Variants in PSMD11 observed in about 807,000 individuals in gnomAD.
PSMD11 encodes 26S proteasome non-ATPase regulatory subunit 11.
A neutral mutation model predicts 62.3 loss-of-function variants in PSMD11; 5 were observed. The observed-to-expected ratio is 0.08, with a 90% CI of 0.04 to 0.17. The LOEUF is 0.17. Ranked by LOEUF, PSMD11 falls within the 10% of genes least tolerant of loss-of-function variation. PSMD11 has a pLI of 1.00. For missense variants in PSMD11, 310 were observed against 512.9 expected (o/e 0.60, Z 3.82); for synonymous variants, 191 against 191.8 (o/e 1.00, Z 0.03).
At chr17:32,461,298 C>T (rs929757007) in intron 3 of PSMD11, among the ~76,000 whole-genome samples, 7 of 152,118 alleles carry the variant, frequency 4.6e-5, no homozygotes, top group African/African-American at 7.2e-5. Flanking sequence ...AGACTGGTCT[C>T]GAACCCCTGA....
In PSMD11 at chr17:32,464,072, C is replaced by T. The variant is rs140675261; in HGVS notation, c.342C>T (p.Ile114=). The stretch of plus-strand genomic sequence containing the variant: ...AGGTCGAGCTGTGTTTAGAGTGCAT[C>T]GAATGGGCCAAGTCAGAGAAAAGAA... ...GQEVELCLEC[I]EWAKSEKRTF... The change falls in exon 4 of 14, where the codon ATC becomes ATT. Residue 114 remains isoleucine (I), a synonymous_variant. Transcript: ENST00000261712. 8.5e-5 allele frequency: 138 copies of T among 1,614,060 alleles called. No individual in the cohort carries two copies. The African/African-American group carries it at 1.3e-3, about 15-fold the overall frequency.
In PSMD11 at chr17:32,483,036, T is replaced by C. The variant is rs1204006195; in HGVS notation, c.*2284T>C. ...CAAACTTAGGGCAGTCCTGAGATGC[T>C]CAGGCAGTAGCCCTTTTCTCAGTTC... On this transcript the variant is annotated 3_prime_UTR_variant, in exon 14 of 14. Coordinates refer to ENST00000261712, the MANE Select transcript of PSMD11 (RefSeq NM_002815.4). 1 of 152,230 alleles carries C rather than the reference T, an allele frequency of 6.6e-6. No homozygotes were observed. Among genetic ancestry groups the C allele is most frequent in the Non-Finnish European group, 1.5e-5 (1 of 68,046 alleles). 9.4% of individuals were successfully genotyped at this position (152,230 alleles called of 1,614,324 possible). A position where few individuals can be genotyped will look rare whatever the true frequency, so the allele number is the denominator to read the frequency against.
At chr17:32,446,804 GT>G (rs376587076) in intron 1 of PSMD11, 140 bp from the exon 2 acceptor site, 33,383 of 341,024 alleles carry the variant, frequency 0.098, no homozygotes, top group East Asian at 0.16. Context: ...CTGGCTTAGA[GT>G]TTTTTTTTTT....
chr17:32,469,064 T>C lies in PSMD11; in HGVS notation c.514T>C (p.Leu172=), dbSNP rs1413119625. 1 of 1,614,070 alleles carries C rather than the reference T, an allele frequency of 6.2e-7. No individual in the cohort carries two copies. The highest frequency in any genetic ancestry group is 1.1e-5 in the South Asian group (1 of 91,080). ...DKALLVEVQL[L]ESKTYHALSN... The stretch of plus-strand genomic sequence containing the variant: ...AGCTCTTTTGGTGGAAGTACAGCTT[T>C]TAGAAAGCAAAACATACCATGCCCT... The change falls in exon 6 of 14, where the codon TTA becomes CTA. Residue 172 remains leucine (L), a synonymous_variant. Transcript: ENST00000261712.
chr17:32,463,710 C>T lies in PSMD11; in HGVS notation c.319-339C>T, dbSNP rs149859542. Among the ~76,000 whole-genome samples, 499 of 152,304 alleles carry T rather than the reference C, an allele frequency of 3.3e-3. 2 individuals are homozygous for T. Among genetic ancestry groups the T allele is most frequent in the Middle Eastern group, 0.01 (3 of 294 alleles). On this transcript the variant is annotated intron_variant, in intron 3 of 13. Transcript: ENST00000261712. Reference sequence around the variant, plus strand: ...TTACTATTTCTAACCAGGGAGAAATCTGTGCTTTAAAAATTCCTAATCTGT... The same window carrying T: ...TTACTATTTCTAACCAGGGAGAAATTTGTGCTTTAAAAATTCCTAATCTGT...
At chr17:32,448,700 T>C (rs1458940222) in intron 2 of PSMD11, among the ~76,000 whole-genome samples, 2 of 152,212 alleles carry the variant, frequency 1.3e-5, no homozygotes, top group Non-Finnish European at 2.9e-5. Flanking sequence ...AACACATACA[T>C]GGTTTAACTT....
chr17:32,480,465 G>C, intron 12 of PSMD11, 24 bp from the exon 13 acceptor site: 1 of 1,614,008 alleles, frequency 6.2e-7, no homozygotes, highest in Non-Finnish European at 8.5e-7. Context: ...TCTTTTACCT[G>C]GGTTGCCCTT....
chr17:32,468,716 G>T (rs1908069344), intron 5 of PSMD11, among the ~76,000 whole-genome samples: 1 of 152,116 alleles, frequency 6.6e-6, no homozygotes, highest in Non-Finnish European at 1.5e-5. Context: ...GCATTTTATA[G>T]GTAGAGATTC....
At chr17:32,457,986 A>G (rs1210547903) in intron 3 of PSMD11, among the ~76,000 whole-genome samples, 1 of 152,012 alleles carries the variant, frequency 6.6e-6, no homozygotes, top group Non-Finnish European at 1.5e-5. Context: ...TTTTTAGTAG[A>G]GACGGAGTTT....
At chr17:32,448,974 C>A (rs1044116096) in intron 2 of PSMD11, among the ~76,000 whole-genome samples, 1 of 152,172 alleles carries the variant, frequency 6.6e-6, no homozygotes, top group Non-Finnish European at 1.5e-5. Flanking sequence ...TCCTATTTAA[C>A]ATACATAAGG....
At chr17:32,455,581 A>T (rs903779245) in intron 3 of PSMD11, among the ~76,000 whole-genome samples, 7 of 152,236 alleles carry the variant, frequency 4.6e-5, no homozygotes, top group African/African-American at 1.4e-4. Context: ...CCTAGGACAC[A>T]TGGATCCTAC....
At chr17:32,458,298 C>T (rs1907709597) in intron 3 of PSMD11, among the ~76,000 whole-genome samples, 1 of 152,158 alleles carries the variant, frequency 6.6e-6, no homozygotes, top group Non-Finnish European at 1.5e-5. Context: ...TAATGGTTTT[C>T]TATAATACAA....
At chr17:32,480,100 C>T in intron 11 of PSMD11, 46 bp from the exon 12 acceptor site, 1 of 1,590,330 alleles carries the variant, frequency 6.3e-7, no homozygotes, top group Non-Finnish European at 8.6e-7. Flanking sequence ...AGGGTGATCT[C>T]TGACTAGTGG....
rs1175302641 is a variant in PSMD11 at position 32,444,533 on chromosome 17, G to A, written c.10G>A (p.Ala4Thr). Residue 4 changes from alanine (A) to threonine (T), a missense_variant, in exon 1 of 14, where the codon GCG becomes ACG. Around this residue, in one of 6 missense-constraint regions of PSMD11, gnomAD observed 28 missense variants for 21.2 expected, o/e 1.32. Transcript: ENST00000261712. MAAAAVVEFQRAQS... is the reference protein window; with the variant it reads MAATAVVEFQRAQS... ...GTGTGAGAGCGGTAAGATGGCGGCG[G>A]CGGCGGTGGTGGAGTTCCAGAGAGC... is the stretch of plus-strand genomic sequence containing the variant. The A allele has an allele frequency of 6.2e-7, 1 of 1,601,550 alleles. No homozygotes were observed. Among genetic ancestry groups the A allele is most frequent in the Non-Finnish European group, 8.5e-7 (1 of 1,174,598 alleles).
intron 3 of PSMD11, among the ~76,000 whole-genome samples, chr17:32,455,995 T>C (rs1400712663): frequency 6.6e-6 from 1 of 151,522 alleles, no homozygotes; most frequent in Non-Finnish European, 1.5e-5. Context: ...TAAAAAAAAA[T>C]TAGCCAGGTG....
At chr17:32,473,687 T>TA in intron 6 of PSMD11, 114 bp from the exon 7 acceptor site, 1 of 1,041,968 alleles carries the variant, frequency 9.6e-7, no homozygotes, top group Non-Finnish European at 1.4e-6. Context: ...AGTGTGGATT[T>TA]ACAGGTGTGA....
At chr17:32,451,675 C>T (rs1249550710) in intron 2 of PSMD11, among the ~76,000 whole-genome samples, 1 of 152,120 alleles carries the variant, frequency 6.6e-6, no homozygotes, top group Non-Finnish European at 1.5e-5. Flanking sequence ...ATAGTAATCT[C>T]TTAAAAAAAA....
chr17:32,480,413 A>G (rs1567859758), intron 12 of PSMD11, 76 bp from the exon 13 acceptor site: 3 of 1,558,532 alleles, frequency 1.9e-6, no homozygotes, highest in African/African-American at 1.4e-5. Flanking sequence ...TGAGTCAACT[A>G]GGGAGTGGGC....
At position 32,446,931 on chromosome 17, in the gene PSMD11, T is replaced by C. The variant is rs761342200; in HGVS notation, c.92-14T>C. 1 of 1,593,706 alleles carries C rather than the reference T, an allele frequency of 6.3e-7. No individual in the cohort carries two copies. The highest frequency in any genetic ancestry group is 8.6e-7 in the Non-Finnish European group (1 of 1,164,572). On this transcript the variant is annotated splice_polypyrimidine_tract_variant and intron_variant, in intron 1 of 13. Coordinates refer to ENST00000261712, the MANE Select transcript of PSMD11 (RefSeq NM_002815.4). Reference sequence around the variant, plus strand: ...GGTCAGAATTTTAAGAGGGTTTGCATTTTCCTCTCCCAGTGAAGCGTGACA... The same window carrying C: ...GGTCAGAATTTTAAGAGGGTTTGCACTTTCCTCTCCCAGTGAAGCGTGACA...
Sources: allele counts gnomAD v4.1 joint callset (sites outside exome capture counted in the v4.1 genomes callset), GRCh38; gene constraint gnomAD v4.1.1; regional missense constraint gnomAD v4.1.1; transcripts MANE v1.5; gene names NCBI Gene and HGNC (gene_info 2026-07-23, HGNC 2026-07-21).